SYT9: variants seen among roughly 807,000 people sequenced by gnomAD.
The protein encoded by SYT9 is synaptotagmin-9.
In SYT9, 22 loss-of-function variants were observed where a neutral mutation model predicts 48.4. That is an observed-to-expected ratio of 0.45 (90% CI 0.32 to 0.65). SYT9 has a LOEUF of 0.65. Ranked by LOEUF, SYT9 falls within the 30% of genes least tolerant of loss-of-function variation. SYT9 has a pLI of 0.03. For missense variants in SYT9, 577 were observed against 622.0 expected, an observed-to-expected ratio of 0.93 and a Z score of 0.77; for synonymous variants, 265 against 245.0, an observed-to-expected ratio of 1.08 and a Z score of -0.76.
intron 3 of SYT9, among the ~76,000 whole-genome samples, chr11:7,382,382 TATG>T (rs1850582010): frequency 6.6e-6 from 1 of 152,154 alleles, no homozygotes; most frequent in Non-Finnish European, 1.5e-5. Context: ...GCAATAGAGA[TATG>T]ATGACTACCA....
chr11:7,407,368 T>G lies in SYT9; in HGVS notation c.1045-8674T>G, dbSNP rs879266895. On this transcript the variant is annotated intron_variant, in intron 3 of 6. Transcript: ENST00000318881. ...TTATGTTTAAGTCTATAATTTTTTT[T>G]TTTTTTTTTTTTTTTTTTTTTTTGA... 6.5e-3 allele frequency among the ~76,000 whole-genome samples: 376 copies of G among 57,608 alleles called. 28 individuals are homozygous for G. Among genetic ancestry groups the G allele is most frequent in the African/African-American group, 0.019 (89 of 4,720 alleles). The allele number at this position is 57,608 out of a possible 152,430, so 37.8% of individuals were successfully genotyped here.
intron 3 of SYT9, among the ~76,000 whole-genome samples, chr11:7,397,772 A>T (rs546437558): frequency 1.2e-4 from 18 of 152,292 alleles, no homozygotes; most frequent in African/African-American, 4.1e-4. Flanking sequence ...ATGTAAATGC[A>T]TTGTTAAATT....
chr11:7,270,820 G>A (rs1418697888), intron 1 of SYT9, among the ~76,000 whole-genome samples: 1 of 126,842 alleles, frequency 7.9e-6, no homozygotes, highest in Non-Finnish European at 1.6e-5. Flanking sequence ...ATGTTTAGAT[G>A]CACAAGACAC....
chr11:7,285,449 C>G (rs1848579066), intron 1 of SYT9, among the ~76,000 whole-genome samples: 1 of 152,132 alleles, frequency 6.6e-6, no homozygotes, highest in Non-Finnish European at 1.5e-5. Flanking sequence ...ATTCAATTAC[C>G]TCCCACCAGT....
intron 3 of SYT9, among the ~76,000 whole-genome samples, chr11:7,358,404 G>A (rs759517455): frequency 7.9e-5 from 12 of 151,978 alleles, no homozygotes; most frequent in African/African-American, 1.7e-4. Flanking sequence ...CATTTTCAAC[G>A]TAACACAATT....
chr11:7,247,826 G>A (rs1311167698), upstream of SYT9, among the ~76,000 whole-genome samples: 1 of 151,628 alleles, frequency 6.6e-6, no homozygotes, highest in Non-Finnish European at 1.5e-5. Flanking sequence ...GACCTCTTTT[G>A]CTCTGGGTAG....
At chr11:7,244,914 C>A (rs557245828) in intron 1 of SYT9, among the ~76,000 whole-genome samples, 1 of 152,156 alleles carries the variant, frequency 6.6e-6, no homozygotes, top group Non-Finnish European at 1.5e-5. Context: ...ACAGAGAGAG[C>A]AGGAAGTTGA....
At chr11:7,260,764 C>T (rs144146682) in intron 1 of SYT9, among the ~76,000 whole-genome samples, 51 of 152,318 alleles carry the variant, frequency 3.3e-4, no homozygotes, top group Admixed American at 8.5e-4. Context: ...AGATCCCCAA[C>T]ATATCACCCT....
intron 1 of SYT9, among the ~76,000 whole-genome samples, chr11:7,258,705 G>A (rs536147703): frequency 6.6e-6 from 1 of 152,036 alleles, no homozygotes; most frequent in South Asian, 2.1e-4. Flanking sequence ...AAATGGGAGT[G>A]GAAGATTGCT....
At chr11:7,430,235 A>G (rs530250394) in intron 6 of SYT9, among the ~76,000 whole-genome samples, 49 of 152,216 alleles carry the variant, frequency 3.2e-4, no homozygotes, top group Admixed American at 5.9e-4. Context: ...CGCACCTTAG[A>G]TAAAATTCAG....
chr11:7,263,020 G>T (rs982550595), intron 1 of SYT9, among the ~76,000 whole-genome samples: 3 of 151,904 alleles, frequency 2.0e-5, no homozygotes, highest in African/African-American at 7.3e-5. Context: ...AAAGAGGGGA[G>T]GATTGCTAGA....
intron 1 of SYT9, among the ~76,000 whole-genome samples, chr11:7,270,847 AC>A (rs1848282180): frequency 6.8e-6 from 1 of 146,644 alleles, no homozygotes; most frequent in Admixed American, 6.7e-5. Context: ...ACACACACAC[AC>A]ACACACACAC....
intron 3 of SYT9, among the ~76,000 whole-genome samples, chr11:7,399,174 G>A (rs1006511250): frequency 6.6e-6 from 1 of 152,184 alleles, no homozygotes; most frequent in Non-Finnish European, 1.5e-5. Flanking sequence ...GAAACTGGAT[G>A]ATCATATAAG....
At chr11:7,291,488 G>T (rs968648347) in intron 1 of SYT9, among the ~76,000 whole-genome samples, 3 of 152,142 alleles carry the variant, frequency 2.0e-5, no homozygotes, top group African/African-American at 7.2e-5. Flanking sequence ...AACCTGAGCA[G>T]CCTGCAGATA....
At chr11:7,302,986 G>A (rs1212958160) in intron 1 of SYT9, 53 bp from the exon 2 acceptor site, 41 of 1,503,944 alleles carry the variant, frequency 2.7e-5, no homozygotes, top group Middle Eastern at 1.7e-4. Flanking sequence ...CTGTGCAATG[G>A]GTGGGCTTGA....
At chr11:7,448,270 C>T (rs1251811463) in intron 6 of SYT9, among the ~76,000 whole-genome samples, 1 of 152,234 alleles carries the variant, frequency 6.6e-6, no homozygotes. Context: ...CTGGTTCTAT[C>T]TGGGATTTAT....
rs954139260 is a variant in SYT9 at position 7,313,836 on chromosome 11, C to G, written c.939C>G (p.Phe313Leu). Residue 313 changes from phenylalanine to leucine, a missense_variant, in exon 3 of 7, where the codon TTC becomes TTG. Physicochemically the swap from Phe to Leu is conservative, Grantham distance 22 (BLOSUM62 0). Coordinates refer to ENST00000318881, the MANE Select transcript of SYT9 (RefSeq NM_175733.4). ...LHFSVYDFDR[F>L]SRHDLIGQVV... is the part of the protein sequence containing the mutation. ...TCTCTGTGTACGACTTTGACAGGTT[C>G]TCTCGTCATGACTTAATCGGCCAAG... 1.3e-5 allele frequency: 21 copies of G among 1,614,074 alleles called. No homozygotes were observed. The highest frequency in any genetic ancestry group is 1.8e-5 in the Non-Finnish European group (21 of 1,180,032).
chr11:7,380,042 A>G (rs1850531634), intron 3 of SYT9, among the ~76,000 whole-genome samples: 2 of 152,168 alleles, frequency 1.3e-5, no homozygotes, highest in Admixed American at 1.3e-4. Flanking sequence ...AAACAACCTA[A>G]GTGTCTATCG....
At chr11:7,270,832 G>GACACACACACACACACACACACACACAC (rs56891844) in intron 1 of SYT9, among the ~76,000 whole-genome samples, 1 of 147,176 alleles carries the variant, frequency 6.8e-6, no homozygotes, top group Non-Finnish European at 1.5e-5. Flanking sequence ...ACAAGACACA[G>GACACACACACACACACACACACACACAC]ACACACACAC....
Sources: gnomAD v4.1 joint callset for allele counts (sites outside exome capture counted in the v4.1 genomes callset) on GRCh38, gnomAD v4.1.1 for gene constraint, MANE v1.5 for transcripts, NCBI Gene and HGNC (gene_info 2026-07-23, HGNC 2026-07-21) for gene names.